Variants in GAREM1 observed in about 807,000 individuals in gnomAD.
GAREM1 encodes GRB2 associated regulator of MAPK1 subtype 1.
In GAREM1, 26 loss-of-function variants were observed where a neutral mutation model predicts 71.3. The observed-to-expected ratio is 0.36, with a 90% CI of 0.27 to 0.51. The LOEUF (loss-of-function observed/expected upper bound fraction) is 0.51. Among genes scored for constraint, GAREM1 ranks in the 20% least tolerant of loss-of-function variants. The pLI, the probability that GAREM1 is intolerant of heterozygous loss-of-function variation, is 0.95. For missense variants in GAREM1, 1,026 were observed against 1,103.1 expected (o/e 0.93, Z 0.99); for synonymous variants, 440 against 433.2 (o/e 1.02, Z -0.20).
intron 1 of GAREM1, among the ~76,000 whole-genome samples, chr18:32,401,721 T>C (rs1051748273): frequency 6.6e-6 from 1 of 152,102 alleles, no homozygotes; most frequent in Non-Finnish European, 1.5e-5. Flanking sequence ...AACCCAGAGG[T>C]AGAACACACT....
chr18:32,364,028 G>GGTTTTTTTTTT (rs2047903236), intron 2 of GAREM1, among the ~76,000 whole-genome samples: 1 of 21,674 alleles, frequency 4.6e-5, no homozygotes. Flanking sequence ...ATATATATAT[G>GGTTTTTTTTTT]TTTTTTTTTT....
intron 3 of GAREM1, among the ~76,000 whole-genome samples, chr18:32,303,424 A>C (rs1598944801): frequency 6.6e-6 from 1 of 152,242 alleles, no homozygotes; most frequent in East Asian, 1.9e-4. Flanking sequence ...ATGGCAGGAA[A>C]TGCAGACGGG....
chr18:32,407,789 C>T (rs1003626869), intron 1 of GAREM1, among the ~76,000 whole-genome samples: 14 of 152,042 alleles, frequency 9.2e-5, no homozygotes, highest in African/African-American at 3.4e-4. Flanking sequence ...AAACCTGGGT[C>T]CCTGCCATCC....
At chr18:32,290,286 C>T (rs1598934368) in intron 3 of GAREM1, 2 of 152,024 alleles carry the variant, frequency 1.3e-5, no homozygotes, top group African/African-American at 4.8e-5. Context: ...AAAGCCCTGA[C>T]TTGTGTTTAT....
intron 2 of GAREM1, among the ~76,000 whole-genome samples, chr18:32,331,429 G>T (rs1380813615): frequency 6.6e-6 from 1 of 152,188 alleles, no homozygotes; most frequent in Non-Finnish European, 1.5e-5. Context: ...TTAACACTAT[G>T]TAAAAACACA....
intron 1 of GAREM1, among the ~76,000 whole-genome samples, chr18:32,460,320 T>A (rs1427390823): frequency 6.6e-6 from 1 of 152,170 alleles, no homozygotes; most frequent in Non-Finnish European, 1.5e-5. Context: ...AACTAAAGTG[T>A]CTTCATAACT....
At chr18:32,317,484 T>C (rs80270171) in intron 2 of GAREM1, among the ~76,000 whole-genome samples, 2 of 151,854 alleles carry the variant, frequency 1.3e-5, no homozygotes, top group Non-Finnish European at 2.9e-5. Flanking sequence ...GAGTCTCTTG[T>C]AAGGTACCTG....
chr18:32,370,857 C>T (rs959614039), intron 2 of GAREM1, among the ~76,000 whole-genome samples: 4 of 152,144 alleles, frequency 2.6e-5, no homozygotes, highest in East Asian at 3.8e-4. Context: ...TATATATATA[C>T]AGCCTATTTC....
At chr18:32,271,750 T>A (rs2041466480) in intron 4 of GAREM1, among the ~76,000 whole-genome samples, 1 of 152,162 alleles carries the variant, frequency 6.6e-6, no homozygotes. Context: ...CTGGAGAGGA[T>A]CTAGCTGATC....
intron 2 of GAREM1, among the ~76,000 whole-genome samples, chr18:32,364,008 ATATATATATATATATATATGTTT>A (rs1567980584): frequency 2.3e-5 from 1 of 43,890 alleles, no homozygotes; most frequent in African/African-American, 1.4e-4. Flanking sequence ...ATATATATAT[ATATATATATATATATATATGTTT>A]TTTTTTTTTT....
At chr18:32,455,720 A>C (rs1398889715) in intron 1 of GAREM1, among the ~76,000 whole-genome samples, 2 of 152,174 alleles carry the variant, frequency 1.3e-5, no homozygotes, top group African/African-American at 4.8e-5. Flanking sequence ...TCTCACAGCC[A>C]TTGGAGAAGA....
chr18:32,264,497 T>C lies in GAREM1; in HGVS notation c.*3374A>G, dbSNP rs2144400482. ...GCTGTATGGATAACATGCAGGTGGC[T>C]GTGGAATGTGAGCAGAGACTGTTTA... is the stretch of plus-strand genomic sequence containing the variant. On this transcript the variant is annotated 3_prime_UTR_variant, in exon 6 of 6. Transcript: ENST00000269209. 6.6e-6 allele frequency: 1 copy of C among 152,296 alleles called. No individual in the cohort carries two copies. Among genetic ancestry groups the C allele is most frequent in the East Asian group, 1.9e-4 (1 of 5,182 alleles). The allele number at this position is 152,296 out of a possible 1,614,324, so 9.4% of individuals were successfully genotyped here.
intron 4 of GAREM1, among the ~76,000 whole-genome samples, chr18:32,281,081 G>A (rs190506054): frequency 2.6e-5 from 4 of 152,072 alleles, no homozygotes; most frequent in African/African-American, 9.7e-5. Flanking sequence ...CAAGTTCTTC[G>A]CACAGTACAA....
intron 2 of GAREM1, among the ~76,000 whole-genome samples, chr18:32,311,656 G>C (rs1418612017): frequency 6.6e-6 from 1 of 152,214 alleles, no homozygotes; most frequent in Admixed American, 6.5e-5. Context: ...TCTAAGACTA[G>C]GCAACAGTCT....
intron 1 of GAREM1, among the ~76,000 whole-genome samples, chr18:32,409,005 T>C (rs1296801342): frequency 6.6e-6 from 1 of 152,154 alleles, no homozygotes; most frequent in Non-Finnish European, 1.5e-5. Flanking sequence ...TGCACTTAAG[T>C]CTCCATAGTG....
chr18:32,274,051 G>T (rs1268792913), intron 4 of GAREM1, among the ~76,000 whole-genome samples: 4 of 152,192 alleles, frequency 2.6e-5, no homozygotes, highest in Admixed American at 2.0e-4. Flanking sequence ...GCAGCCCACG[G>T]CAGGTGGGCA....
At chr18:32,468,615 G>GT (rs1282914020) in intron 1 of GAREM1, among the ~76,000 whole-genome samples, 3 of 152,160 alleles carry the variant, frequency 2.0e-5, no homozygotes, top group Non-Finnish European at 4.4e-5. Flanking sequence ...TCCTTTTTAT[G>GT]AATGGCAGGG....
At chr18:32,421,796 T>C (rs1270911294) in intron 1 of GAREM1, among the ~76,000 whole-genome samples, 2 of 152,058 alleles carry the variant, frequency 1.3e-5, no homozygotes, top group Non-Finnish European at 2.9e-5. Flanking sequence ...CTTAACAGTC[T>C]CTTTAATGCC....
At chr18:32,451,203 G>A (rs2048835273) in intron 1 of GAREM1, among the ~76,000 whole-genome samples, 1 of 151,998 alleles carries the variant, frequency 6.6e-6, no homozygotes, top group South Asian at 2.1e-4. Context: ...AGGCTTTTAG[G>A]CCTGGGATCC....
Sources: gnomAD v4.1 joint callset for allele counts (sites outside exome capture counted in the v4.1 genomes callset) on GRCh38, gnomAD v4.1.1 for gene constraint, MANE v1.5 for transcripts, NCBI Gene and HGNC (gene_info 2026-07-23, HGNC 2026-07-21) for gene names.